Variants in ADGRV1 observed in about 807,000 individuals in gnomAD.
ADGRV1 encodes G-protein coupled receptor 98.
A neutral mutation model predicts 596.2 loss-of-function variants in ADGRV1; 359 were observed. That is an observed-to-expected ratio of 0.60 (90% confidence interval 0.55 to 0.66). The LOEUF (loss-of-function observed/expected upper bound fraction) is 0.66, where lower values mean the gene tolerates loss of function less well. ADGRV1 is among the 30% of genes least tolerant of loss of function. The pLI, the probability that ADGRV1 is intolerant of heterozygous loss-of-function variation, is 0.00. For synonymous variants in ADGRV1, 2,681 were observed against 2,679.2 expected (o/e 1.00, Z -0.02); for missense variants, 7,274 against 7,575.6 (o/e 0.96, Z 1.48).
At chr5:90,604,458 G>GA (rs972636127) in intron 1 of ADGRV1, among the ~76,000 whole-genome samples, 22 of 150,396 alleles carry the variant, frequency 1.5e-4, no homozygotes, top group African/African-American at 4.1e-4. Flanking sequence ...AATTTCAGGA[G>GA]AAAAAAAAAA....
chr5:90,634,185 G>A (rs1765850376), intron 9 of ADGRV1, among the ~76,000 whole-genome samples: 1 of 152,174 alleles, frequency 6.6e-6, no homozygotes, highest in African/African-American at 2.4e-5. Flanking sequence ...TGTGTGCATT[G>A]ATTGAGAAGT....
At chr5:90,642,046 G>T (rs936266386) in intron 11 of ADGRV1, among the ~76,000 whole-genome samples, 2 of 151,988 alleles carry the variant, frequency 1.3e-5, no homozygotes, top group Admixed American at 1.3e-4. Flanking sequence ...AAAAAGCACA[G>T]GTTTAAAATT....
intron 22 of ADGRV1, among the ~76,000 whole-genome samples, chr5:90,673,672 C>T (rs1333989337): frequency 7.9e-5 from 12 of 152,084 alleles, no homozygotes; most frequent in Non-Finnish European, 1.5e-4. Flanking sequence ...GGCAAACAAA[C>T]TCCCTCAACA....
chr5:90,661,935 G>T (rs1290691457), intron 21 of ADGRV1, among the ~76,000 whole-genome samples: 2 of 152,046 alleles, frequency 1.3e-5, no homozygotes, highest in African/African-American at 4.8e-5. Flanking sequence ...GTTGCCCTTG[G>T]ATGACCTTGT....
In ADGRV1 at chr5:90,944,605, A is replaced by G. The variant is rs1247290669; in HGVS notation, c.17857-20810A>G. On this transcript the variant is annotated intron_variant, in intron 83 of 89. Coordinates refer to ENST00000405460, the MANE Select transcript of ADGRV1 (RefSeq NM_032119.4). ...TGTATGTCAAGCAGTATTCACTTTT[A>G]TGCTCAGACTGGCTGGTACCCAAAA... is the stretch of plus-strand genomic sequence containing the variant. Among the ~76,000 whole-genome samples the G allele has an allele frequency of 1.6e-4, 25 of 152,216 alleles. 1 individual carries two copies. Among genetic ancestry groups the G allele is most frequent in the Admixed American group, 1.4e-3 (22 of 15,270 alleles).
At chr5:91,123,505 T>C (rs1335686220) in intron 87 of ADGRV1, among the ~76,000 whole-genome samples, 2 of 152,046 alleles carry the variant, frequency 1.3e-5, no homozygotes, top group African/African-American at 2.4e-5. Context: ...ACTAATCCCA[T>C]TGATGAGGGT....
At chr5:90,922,013 G>A (rs1462099021) in intron 83 of ADGRV1, among the ~76,000 whole-genome samples, 2 of 151,874 alleles carry the variant, frequency 1.3e-5, no homozygotes, top group African/African-American at 2.4e-5. Context: ...GGTTGCAAGG[G>A]GTCTAAGAAA....
chr5:91,005,015 A>G (rs902793988), intron 85 of ADGRV1, among the ~76,000 whole-genome samples: 2 of 152,190 alleles, frequency 1.3e-5, no homozygotes, highest in Non-Finnish European at 2.9e-5. Context: ...TTATAAACCT[A>G]AAGTACAGAC....
chr5:90,848,745 A>T lies in ADGRV1; in HGVS notation c.17128A>T (p.Ser5710Cys). The T allele has an allele frequency of 6.3e-7, 1 of 1,594,100 alleles. No homozygotes were observed. The highest frequency in any genetic ancestry group is 2.3e-5 in the East Asian group (1 of 43,182). ...NPKRKDTRGF[S>C]HFAEVTENFA... Reference sequence around the variant, plus strand: ...AAAGCGCAAGGACACTAGGGGATTCAGTCACTTTGCTGAAGTGACTGAGAA... The same window carrying T: ...AAAGCGCAAGGACACTAGGGGATTCTGTCACTTTGCTGAAGTGACTGAGAA... The change falls in exon 79 of 90, where the codon AGT (serine) becomes TGT (cysteine). Residue 5710 changes from serine to cysteine, a missense_variant. Ser to Cys is a moderately radical substitution (Grantham distance 112, BLOSUM62 -1). Around this residue, in one of 5 missense-constraint regions of ADGRV1, gnomAD observed 1,874 missense variants for 1,970.2 expected, o/e 0.95. Coordinates refer to ENST00000405460, the MANE Select transcript of ADGRV1 (RefSeq NM_032119.4).
intron 1 of ADGRV1, among the ~76,000 whole-genome samples, chr5:90,605,814 T>C (rs571551703): frequency 1.3e-5 from 2 of 152,302 alleles, no homozygotes; most frequent in African/African-American, 4.8e-5. Context: ...AGGTAAGGTT[T>C]CTGGGTGAGA....
rs1319854876 is a variant in ADGRV1, at chr5:90,704,251, T to C, written c.8287-138T>C. On this transcript the variant is annotated intron_variant, in intron 35 of 89. Transcript: ENST00000405460. Reference sequence around the variant, plus strand: ...CCCATGTGTCAGTGGTTTTTATTTATTTATTTTTAAGCCACAGAACTTTTG... The same window carrying C: ...CCCATGTGTCAGTGGTTTTTATTTACTTATTTTTAAGCCACAGAACTTTTG... 6 of 626,048 alleles carry C rather than the reference T, an allele frequency of 9.6e-6. No individual in the cohort carries two copies. In the East Asian group the frequency reaches 1.8e-4, roughly 19 times the overall value. 38.8% of individuals were successfully genotyped at this position (626,048 alleles called of 1,614,324 possible).
intron 78 of ADGRV1, among the ~76,000 whole-genome samples, chr5:90,848,168 G>C (rs949226491): frequency 1.3e-5 from 2 of 152,096 alleles, no homozygotes; most frequent in African/African-American, 2.4e-5. Context: ...TTCTCATTTG[G>C]TGCTTTAAAT....
chr5:90,739,230 A>G (rs1753647072), intron 50 of ADGRV1, among the ~76,000 whole-genome samples: 1 of 151,662 alleles, frequency 6.6e-6, no homozygotes, highest in South Asian at 2.1e-4. Context: ...TTTCATCTGT[A>G]TTTTCTTATA....
intron 86 of ADGRV1, among the ~76,000 whole-genome samples, chr5:91,095,399 C>T (rs1446501037): frequency 6.6e-6 from 1 of 152,050 alleles, no homozygotes; most frequent in Non-Finnish European, 1.5e-5. Context: ...AGGGTTTTGC[C>T]ATGTTGCTCA....
chr5:90,834,950 C>CTCCT (rs201245514), intron 77 of ADGRV1, among the ~76,000 whole-genome samples: 2 of 119,376 alleles, frequency 1.7e-5, no homozygotes, highest in African/African-American at 3.1e-5. Flanking sequence ...CTTTTTCTTT[C>CTCCT]TCCTTCCTTC....
At position 91,052,068 on chromosome 5, in the gene ADGRV1, C is replaced by T. The variant is rs1275533276; in HGVS notation, c.18153-20379C>T. Among the ~76,000 whole-genome samples the T allele has an allele frequency of 4.6e-5, 7 of 152,064 alleles. No individual in the cohort carries two copies. The East Asian group carries it at 1.2e-3, about 25-fold the overall frequency. ...ATTACAGCCAAAACTAGAGAACAAACTTATTGGTTTTTCTTTTTTAAAATT... is the reference window on the plus strand; with the variant it reads ...ATTACAGCCAAAACTAGAGAACAAATTTATTGGTTTTTCTTTTTTAAAATT... On this transcript the variant is annotated intron_variant, in intron 85 of 89. Transcript: ENST00000405460.
chr5:90,727,506 T>A lies in ADGRV1; in HGVS notation c.10162-1163T>A, dbSNP rs144278841. Among the ~76,000 whole-genome samples the A allele has an allele frequency of 1.7e-3, 260 of 152,290 alleles. 1 individual carries two copies. The highest frequency in any genetic ancestry group is 5.8e-3 in the African/African-American group (243 of 41,548). ...TCAGATCCATTCTCCATTGAGTAAC[T>A]GGAGGCATTTTTTAAAAATATTAAT... On this transcript the variant is annotated intron_variant, in intron 48 of 89. Transcript: ENST00000405460.
chr5:91,061,654 C>T (rs1562162427), intron 85 of ADGRV1, among the ~76,000 whole-genome samples: 1 of 151,986 alleles, frequency 6.6e-6, no homozygotes, highest in Non-Finnish European at 1.5e-5. Context: ...TTTTTCTTTC[C>T]TCAATCTTTT....
intron 86 of ADGRV1, among the ~76,000 whole-genome samples, chr5:91,088,995 T>C (rs1790146608): frequency 1.3e-5 from 2 of 152,118 alleles, no homozygotes; most frequent in South Asian, 2.1e-4. Context: ...TGTTTCCCTT[T>C]TTTTTCTCTG....
Sources: gnomAD v4.1 joint callset for allele counts (sites outside exome capture counted in the v4.1 genomes callset) on GRCh38, gnomAD v4.1.1 for gene constraint, gnomAD v4.1.1 regional missense constraint, MANE v1.5 for transcripts, NCBI Gene and HGNC (gene_info 2026-07-23, HGNC 2026-07-21) for gene names.